Variants in BAP1 observed in about 807,000 individuals in gnomAD.
The protein encoded by BAP1 is ubiquitin carboxyl-terminal hydrolase BAP1.
A neutral mutation model predicts 77.2 loss-of-function variants in BAP1; 16 were observed. The observed-to-expected ratio is 0.21, with a 90% CI of 0.14 to 0.31. The LOEUF is 0.31. Among genes scored for constraint, BAP1 ranks in the 10% least tolerant of loss-of-function variants. BAP1 has a pLI of 1.00. For missense variants in BAP1, 699 were observed against 967.3 expected (o/e 0.72, Z 3.68); for synonymous variants, 362 against 385.2 (o/e 0.94, Z 0.71).
Position 52,409,995 on chromosome 3 carries a change from C to G in BAP1, c.-117G>C. The G allele has an allele frequency of 2.8e-6, 4 of 1,447,126 alleles. No homozygotes were observed. Among genetic ancestry groups the G allele is most frequent in the Non-Finnish European group, 3.7e-6 (4 of 1,073,828 alleles). 89.6% of individuals were successfully genotyped at this position (1,447,126 alleles called of 1,614,324 possible). ...CAGTCCCACACACAGACAACGGGCC[C>G]AGTCGCGTCACCCGCCCGCGCCGGC... On this transcript the variant is annotated 5_prime_UTR_variant, in exon 1 of 17. Coordinates refer to ENST00000460680, the MANE Select transcript of BAP1 (RefSeq NM_004656.4).
At chr3:52,407,142 C>T (rs2153227746) in intron 7 of BAP1, 32 bp downstream of exon 7, 1 of 1,612,904 alleles carries the variant, frequency 6.2e-7, no homozygotes, top group Non-Finnish European at 8.5e-7. Flanking sequence ...TAGGCAGAGA[C>T]ACCCAACAGG....
Position 52,403,207 on chromosome 3 carries a change from C to T in BAP1, c.1821G>A (p.Thr607=), listed in dbSNP as rs752063900. 6.9e-5 allele frequency: 111 copies of T among 1,614,094 alleles called. No individual in the cohort carries two copies. In the East Asian group the frequency reaches 1.3e-3, roughly 18 times the overall value. Residue 607 remains threonine, a synonymous_variant, in exon 14 of 17, where the codon ACG becomes ACA. Transcript: ENST00000460680. The surrounding 1 kb of genome is among the most constrained non-coding windows in gnomAD (Gnocchi z 4.0). ...CCATCCCCGTCTTCTCTCTGCTGTC[C>T]GTGGCTTCCACGACCTCCTTCTCCA... is the stretch of plus-strand genomic sequence containing the variant. ...SPVEKEVVEA[T]DSREKTGMVR...
At chr3:52,407,338 G>A in intron 6 of BAP1, 22 bp from the exon 7 acceptor site, 2 of 1,614,124 alleles carry the variant, frequency 1.2e-6, no homozygotes, top group South Asian at 1.1e-5. Context: ...CAGAGTCAGG[G>A]CCCAAAAAAT....
In BAP1 at chr3:52,401,143, G is replaced by A. The variant is rs887484518; in HGVS notation, c.*1145C>T. 1 of 232,632 alleles carries A rather than the reference G, an allele frequency of 4.3e-6. No homozygotes were observed. The highest frequency in any genetic ancestry group is 2.2e-5 in the African/African-American group (1 of 45,320). 14.4% of individuals were successfully genotyped at this position (232,632 alleles called of 1,614,324 possible). ...ACCCCCCACTCAGTCACTATGTACA[G>A]ATAAAGGGGCCTGCTTGGATCACCT... On this transcript the variant is annotated 3_prime_UTR_variant, in exon 17 of 17. Transcript: ENST00000460680.
chr3:52,409,647 CCT>C, intron 2 of BAP1, 39 bp from the exon 3 acceptor site: 1 of 1,614,190 alleles, frequency 6.2e-7, no homozygotes, highest in Non-Finnish European at 8.5e-7. Context: ...AAGGACAGCC[CCT>C]GATGAGTGAG....
rs1454672768 is a variant in BAP1 at position 52,405,169 on chromosome 3, T to C, written c.1057A>G (p.Ile353Val). Reference sequence around the variant, plus strand: ...AGAAAGGCCGGCAGCCGCTGGACAATGGGAGTGGGGTTGGGGTGAACCCCA... The same window carrying C: ...AGAAAGGCCGGCAGCCGCTGGACAACGGGAGTGGGGTTGGGGTGAACCCCA... Reference protein sequence around the residue: ...LNGVHPNPTPIVQRLPAFLDN... With the variant: ...LNGVHPNPTPVVQRLPAFLDN... Residue 353 changes from isoleucine to valine, a missense_variant, in exon 11 of 17, where the codon ATT becomes GTT. Ile to Val is a conservative substitution (Grantham distance 29). Transcript: ENST00000460680. The C allele has an allele frequency of 3.7e-6, 6 of 1,614,060 alleles. No individual in the cohort carries two copies. Among genetic ancestry groups the C allele is most frequent in the Non-Finnish European group, 5.1e-6 (6 of 1,180,018 alleles).
Position 52,406,729 on chromosome 3 carries a change from C to A in BAP1, c.659+100G>T. The A allele has an allele frequency of 7.6e-7, 1 of 1,309,314 alleles. No individual in the cohort carries two copies. Among genetic ancestry groups the A allele is most frequent in the South Asian group, 1.3e-5 (1 of 79,188 alleles). 81.1% of individuals were successfully genotyped at this position (1,309,314 alleles called of 1,614,324 possible). A position where few individuals can be genotyped will look rare whatever the true frequency, so the allele number is the denominator to read the frequency against. ...CTAAGCCTGATCTTGCCAGATTCACCATATGGCCTTGCAATTTACAAATCA... is the reference window on the plus strand; with the variant it reads ...CTAAGCCTGATCTTGCCAGATTCACAATATGGCCTTGCAATTTACAAATCA... On this transcript the variant is annotated intron_variant, in intron 8 of 16. Coordinates refer to ENST00000460680, the MANE Select transcript of BAP1 (RefSeq NM_004656.4). The surrounding 1 kb of genome is among the most constrained non-coding windows in gnomAD (Gnocchi z 4.6).
rs777571654 is a variant in BAP1, at chr3:52,407,914, C to T, written c.375+44G>A. The T allele has an allele frequency of 2.5e-6, 4 of 1,611,978 alleles. No individual in the cohort carries two copies. The African/African-American group carries it at 5.3e-5, about 22-fold the overall frequency. ...TTCCCAGTGGCCCTCAGGGTCAGAT[C>T]TGCCCAGTTGGCTGTGAGCCAGGAT... On this transcript the variant is annotated intron_variant, in intron 5 of 16. Transcript: ENST00000460680.
intron 11 of BAP1, 74 bp from the exon 12 acceptor site, chr3:52,404,660 G>C: frequency 6.4e-7 from 1 of 1,555,772 alleles, no homozygotes; most frequent in Non-Finnish European, 8.7e-7. Context: ...CACAGCCAGA[G>C]AGAAAGCCAA....
In BAP1 at chr3:52,406,449, G is replaced by A. The variant is rs2153227547; in HGVS notation, c.660-73C>T. 2.5e-6 allele frequency: 4 copies of A among 1,600,674 alleles called. No individual in the cohort carries two copies. The South Asian group carries it at 4.4e-5, about 18-fold the overall frequency. On this transcript the variant is annotated intron_variant, in intron 8 of 16. Coordinates refer to ENST00000460680, the MANE Select transcript of BAP1 (RefSeq NM_004656.4). This position sits in a 1 kb window ranked among gnomAD's most constrained non-coding sequence, Gnocchi z 4.6. ...CCATCAGGTTGAGGCAGATATCCTG[G>A]CAGGGCTCCCTGCAGTCACACCTGC...
intron 3 of BAP1, among the ~76,000 whole-genome samples, chr3:52,409,066 T>C (rs1386316712): frequency 6.6e-6 from 1 of 152,232 alleles, no homozygotes; most frequent in Non-Finnish European, 1.5e-5. Context: ...GTAGACTTCT[T>C]GGTTCAGTCA....
rs368369242 is a variant in BAP1, at chr3:52,403,660, C to T, written c.1485G>A (p.Thr495=). ...SPTPSNESTD[T]ASEIGSAFNS... ...TGAAAGCACTGCCGATCTCAGAGGC[C>T]GTGTCTGTACTCTCATTGCTGGGGG... The change falls in exon 13 of 17, where the codon ACG becomes ACA. Residue 495 remains threonine (T), a synonymous_variant. Coordinates refer to ENST00000460680, the MANE Select transcript of BAP1 (RefSeq NM_004656.4). The surrounding 1 kb of genome is among the most constrained non-coding windows in gnomAD (Gnocchi z 4.0). The T allele has an allele frequency of 3.4e-5, 55 of 1,613,406 alleles. No homozygotes were observed. Among genetic ancestry groups the T allele is most frequent in the South Asian group, 6.6e-5 (6 of 91,080 alleles).
In BAP1 at chr3:52,403,079, A is replaced by G; in HGVS notation, c.1890+59T>C. On this transcript the variant is annotated intron_variant, in intron 14 of 16. Coordinates refer to ENST00000460680, the MANE Select transcript of BAP1 (RefSeq NM_004656.4). This position sits in a 1 kb window ranked among gnomAD's most constrained non-coding sequence, Gnocchi z 4.0. ...ATCAAGAACTTGGCACCTGGGCAGG[A>G]GGAGCTCAGGCCTTACCCTCTGCCA... 1.2e-6 allele frequency: 2 copies of G among 1,604,276 alleles called. No homozygotes were observed. The highest frequency in any genetic ancestry group is 1.7e-6 in the Non-Finnish European group (2 of 1,178,328).
At position 52,406,573 on chromosome 3, in the gene BAP1, T is replaced by C; in HGVS notation, c.660-197A>G. Reference sequence around the variant, plus strand: ...CTTCCAACAAGCTGTATGAGGGGCCTATCTGGAAGTGAACCAGCAGACCTG... The same window carrying C: ...CTTCCAACAAGCTGTATGAGGGGCCCATCTGGAAGTGAACCAGCAGACCTG... On this transcript the variant is annotated intron_variant, in intron 8 of 16. Coordinates refer to ENST00000460680, the MANE Select transcript of BAP1 (RefSeq NM_004656.4). This position sits in a 1 kb window ranked among gnomAD's most constrained non-coding sequence, Gnocchi z 4.6. 1.1e-6 allele frequency: 1 copy of C among 938,874 alleles called. No homozygotes were observed. 58.2% of individuals were successfully genotyped at this position (938,874 alleles called of 1,614,324 possible).
rs2153227490 is a variant in BAP1, at chr3:52,406,356, C to T, written c.680G>A (p.Arg227His). ...GGGCACCACTGCCATCAGGTTGAAG[C>T]GGATGTCGTGGTAGGGCTCCCTGCA... ...ATAGEPYHDI[R>H]FNLMAVVPDR... Residue 227 changes from arginine to histidine, a missense_variant, in exon 9 of 17, where the codon CGC becomes CAC. Around this residue, in one of 3 missense-constraint regions of BAP1, gnomAD observed 160 missense variants for 322.8 expected, o/e 0.50. Transcript: ENST00000460680. The surrounding 1 kb of genome is among the most constrained non-coding windows in gnomAD (Gnocchi z 4.6). The T allele has an allele frequency of 6.2e-7, 1 of 1,613,966 alleles. No homozygotes were observed. Among genetic ancestry groups the T allele is most frequent in the East Asian group, 2.2e-5 (1 of 44,890 alleles).
In BAP1 at chr3:52,406,587, C is replaced by G. The variant is rs903841201; in HGVS notation, c.660-211G>C. ...TATGAGGGGCCTATCTGGAAGTGAACCAGCAGACCTGGGCTGCCTAAGGCT... is the reference window on the plus strand; with the variant it reads ...TATGAGGGGCCTATCTGGAAGTGAAGCAGCAGACCTGGGCTGCCTAAGGCT... On this transcript the variant is annotated intron_variant, in intron 8 of 16. Transcript: ENST00000460680. This position sits in a 1 kb window ranked among gnomAD's most constrained non-coding sequence, Gnocchi z 4.6. 9 of 913,748 alleles carry G rather than the reference C, an allele frequency of 9.8e-6. No homozygotes were observed. Among genetic ancestry groups the G allele is most frequent in the African/African-American group, 8.2e-5 (5 of 61,152 alleles). The allele number at this position is 913,748 out of a possible 1,614,324, so 56.6% of individuals were successfully genotyped here.
chr3:52,403,061 A>G lies in BAP1; in HGVS notation c.1890+77T>C, dbSNP rs1342634304. 6 of 1,601,942 alleles carry G rather than the reference A, an allele frequency of 3.7e-6. No individual in the cohort carries two copies. The East Asian group carries it at 1.3e-4, about 36-fold the overall frequency. ...CTTCACACCAAAGTTCCAATCAAGAACTTGGCACCTGGGCAGGAGGAGCTC... is the reference window on the plus strand; with the variant it reads ...CTTCACACCAAAGTTCCAATCAAGAGCTTGGCACCTGGGCAGGAGGAGCTC... On this transcript the variant is annotated intron_variant, in intron 14 of 16. Coordinates refer to ENST00000460680, the MANE Select transcript of BAP1 (RefSeq NM_004656.4). This position sits in a 1 kb window ranked among gnomAD's most constrained non-coding sequence, Gnocchi z 4.0.
At chr3:52,408,755 G>T in intron 3 of BAP1, 149 bp from the exon 4 acceptor site, 1 of 1,054,584 alleles carries the variant, frequency 9.5e-7, no homozygotes, top group Non-Finnish European at 1.4e-6. Flanking sequence ...TCCCAACACT[G>T]TGTCTGAAGT....
rs527360846 is a variant in BAP1 at position 52,401,521 on chromosome 3, C to T, written c.*767G>A. 45 of 233,626 alleles carry T rather than the reference C, an allele frequency of 1.9e-4. No individual in the cohort carries two copies. The highest frequency in any genetic ancestry group is 3.1e-4 in the Non-Finnish European group (37 of 118,118). 14.5% of individuals were successfully genotyped at this position (233,626 alleles called of 1,614,324 possible). A position where few individuals can be genotyped will look rare whatever the true frequency, so the allele number is the denominator to read the frequency against. ...ATAGCTAGGGCCACAACACTGAAGGCGAAGAGCCCTAGAACCTTGCTATGG... is the reference window on the plus strand; with the variant it reads ...ATAGCTAGGGCCACAACACTGAAGGTGAAGAGCCCTAGAACCTTGCTATGG... On this transcript the variant is annotated 3_prime_UTR_variant, in exon 17 of 17. Transcript: ENST00000460680.
Sources: allele counts gnomAD v4.1 joint callset (sites outside exome capture counted in the v4.1 genomes callset), GRCh38; gene constraint gnomAD v4.1.1; regional missense constraint gnomAD v4.1.1; non-coding constraint Gnocchi (gnomAD v3.1); transcripts MANE v1.5; gene names NCBI Gene and HGNC (gene_info 2026-07-23, HGNC 2026-07-21).